GMDS: variants seen among roughly 807,000 people sequenced by gnomAD.
GMDS encodes the protein GDP-mannose 4,6-dehydratase, also known as GDP-mannose 4,6 dehydratase.
Under a neutral mutation model 49.9 loss-of-function variants are expected in GMDS, and 20 were observed. That is an observed-to-expected ratio of 0.40 (90% CI 0.28 to 0.58). The LOEUF is 0.58. Among genes scored for constraint, GMDS ranks in the 20% least tolerant of loss-of-function variants. GMDS has a pLI of 0.42. For synonymous variants in GMDS, 177 were observed against 178.6 expected (o/e 0.99, Z 0.07); for missense variants, 362 against 481.4 (o/e 0.75, Z 2.32).
At chr6:1,857,375 G>C (rs1166308601) in intron 7 of GMDS, among the ~76,000 whole-genome samples, 7 of 152,178 alleles carry the variant, frequency 4.6e-5, no homozygotes, top group African/African-American at 1.7e-4. Context: ...AATAAGGCTG[G>C]GGACATACGG....
chr6:2,044,723 A>C (rs1769897410), intron 4 of GMDS, among the ~76,000 whole-genome samples: 1 of 152,254 alleles, frequency 6.6e-6, no homozygotes, highest in South Asian at 2.1e-4. Flanking sequence ...AAAGTTAAAA[A>C]AAATGTTTTT....
intron 4 of GMDS, among the ~76,000 whole-genome samples, chr6:2,043,861 T>C (rs1242950872): frequency 7.0e-6 from 1 of 142,694 alleles, no homozygotes; most frequent in Non-Finnish European, 1.6e-5. Context: ...TCTACAAATT[T>C]GCAGAAAAAA....
chr6:1,855,683 C>T (rs1339286034), intron 7 of GMDS, among the ~76,000 whole-genome samples: 1 of 152,014 alleles, frequency 6.6e-6, no homozygotes, highest in East Asian at 1.9e-4. Flanking sequence ...CTTTTGTTAA[C>T]CAAAATACAG....
At position 1,672,965 on chromosome 6, in the gene GMDS, C is replaced by T. The variant is rs2317963; in HGVS notation, c.988-48425G>A. ...GCTGTGCACTCCCACCACTCCCAGC[C>T]GGGCATTTCAGCGAGGATTGGGAAT... On this transcript the variant is annotated intron_variant, in intron 9 of 10. Coordinates refer to ENST00000380815, the MANE Select transcript of GMDS (RefSeq NM_001500.4). Among the ~76,000 whole-genome samples, 943 of 151,860 alleles carry T rather than the reference C, an allele frequency of 6.2e-3. 3 individuals carry two copies. Among genetic ancestry groups the T allele is most frequent in the African/African-American group, 0.022 (905 of 41,164 alleles).
chr6:2,065,812 C>G lies in GMDS; in HGVS notation c.345+49959G>C, dbSNP rs1269683530. Among the ~76,000 whole-genome samples the G allele has an allele frequency of 4.7e-3, 713 of 152,176 alleles. 1 individual carries two copies. The highest frequency in any genetic ancestry group is 0.01 in the Middle Eastern group (3 of 294). ...ACGTCTGATTGGTGTACCTGAAAGT[C>G]ACGGGGAGAATGGAACCAAGTTGGA... On this transcript the variant is annotated intron_variant, in intron 4 of 10. Coordinates refer to ENST00000380815, the MANE Select transcript of GMDS (RefSeq NM_001500.4).
intron 7 of GMDS, among the ~76,000 whole-genome samples, chr6:1,920,456 A>G (rs1353557759): frequency 1.3e-5 from 2 of 152,246 alleles, no homozygotes; most frequent in Non-Finnish European, 2.9e-5. Flanking sequence ...TATAGGAAAG[A>G]GACAGAGCAA....
intron 7 of GMDS, among the ~76,000 whole-genome samples, chr6:1,853,449 C>T (rs191771463): frequency 0.014 from 1,944 of 136,704 alleles, 117 homozygotes; most frequent in African/African-American, 0.053. Flanking sequence ...ACCCGGGAGG[C>T]GGAGCTTGCA....
At chr6:2,036,528 T>C (rs950308937) in intron 4 of GMDS, among the ~76,000 whole-genome samples, 16 of 152,196 alleles carry the variant, frequency 1.1e-4, no homozygotes, top group African/African-American at 3.6e-4. Context: ...TTCTAGGCTT[T>C]AGCAATCCAT....
intron 7 of GMDS, among the ~76,000 whole-genome samples, chr6:1,925,822 C>A (rs1561895962): frequency 6.6e-6 from 1 of 152,170 alleles, no homozygotes; most frequent in Non-Finnish European, 1.5e-5. Context: ...GCCTTCACGC[C>A]CAAATGCTGC....
At chr6:1,930,371 G>A in intron 6 of GMDS, 141 bp from the exon 7 acceptor site, 5 of 585,104 alleles carry the variant, frequency 8.5e-6, no homozygotes, top group Middle Eastern at 4.1e-4. Flanking sequence ...TAAAAGAAAA[G>A]AAAAAGAGAA....
chr6:1,795,804 A>G (rs944017877), intron 7 of GMDS, among the ~76,000 whole-genome samples: 1 of 152,248 alleles, frequency 6.6e-6, no homozygotes, highest in Non-Finnish European at 1.5e-5. Flanking sequence ...CAATTTAAAC[A>G]TCTCCTTAAT....
At chr6:1,871,332 A>C (rs1006513714) in intron 7 of GMDS, among the ~76,000 whole-genome samples, 3 of 151,874 alleles carry the variant, frequency 2.0e-5, no homozygotes, top group African/African-American at 7.3e-5. Context: ...AAGGAAAGAA[A>C]AAGAGTAGGT....
chr6:1,626,886 A>T (rs1032893270), intron 9 of GMDS, among the ~76,000 whole-genome samples: 1 of 152,278 alleles, frequency 6.6e-6, no homozygotes, highest in Non-Finnish European at 1.5e-5. Context: ...TTAGAAACAG[A>T]CCTTGCTACC....
chr6:1,782,672 T>G (rs922223468), intron 7 of GMDS, among the ~76,000 whole-genome samples: 3 of 152,182 alleles, frequency 2.0e-5, no homozygotes, highest in Admixed American at 2.0e-4. Context: ...AAGGCAAATA[T>G]TAGGAAGTTG....
At chr6:2,077,541 G>A (rs1335220474) in intron 4 of GMDS, among the ~76,000 whole-genome samples, 4 of 152,002 alleles carry the variant, frequency 2.6e-5, no homozygotes, top group Middle Eastern at 3.4e-3. Context: ...TGAGATGATC[G>A]TATGTTTTTT....
rs530258706 is a variant in GMDS at position 1,950,670 on chromosome 6, C to T, written c.643+9197G>A. Among the ~76,000 whole-genome samples the T allele has an allele frequency of 2.6e-5, 4 of 152,210 alleles. No individual in the cohort carries two copies. In the South Asian group the frequency reaches 8.3e-4, roughly 32 times the overall value. On this transcript the variant is annotated intron_variant, in intron 6 of 10. Coordinates refer to ENST00000380815, the MANE Select transcript of GMDS (RefSeq NM_001500.4). ...AGTGATACCTAAAGAAAAATGAGACCCTACTGTTGTTCTATGAAGAATTTA... is the reference window on the plus strand; with the variant it reads ...AGTGATACCTAAAGAAAAATGAGACTCTACTGTTGTTCTATGAAGAATTTA...
In GMDS at chr6:1,960,777, AG is replaced by A; in HGVS notation, c.534del (p.Tyr179MetfsTer13). 1 of 1,592,150 alleles carries A rather than the reference AG, an allele frequency of 6.3e-7. No individual in the cohort carries two copies. The highest frequency in any genetic ancestry group is 8.6e-7 in the Non-Finnish European group (1 of 1,163,318). ...KETTPFYPRSPYGAAKLYAYW... is the reference protein window; with the variant it reads ...KETTPFYPRSXYGAAKLYAYW... ...CGGTGTGCACGCATGTTCTCACCATAGGGTGACCGGGGATAGAAAGGGGTGG... is the reference window on the plus strand; with the variant it reads ...CGGTGTGCACGCATGTTCTCACCATAGGTGACCGGGGATAGAAAGGGGTGG... On this transcript the variant is annotated frameshift_variant, in exon 5 of 11. Coordinates refer to ENST00000380815, the MANE Select transcript of GMDS (RefSeq NM_001500.4). LOFTEE classifies it high-confidence loss of function.
At chr6:2,146,682 C>A in intron 1 of GMDS, among the ~76,000 whole-genome samples, 1 of 152,188 alleles carries the variant, frequency 6.6e-6, no homozygotes, top group Non-Finnish European at 1.5e-5. Context: ...TTTAACAACA[C>A]GCCCCTCTCA....
At chr6:1,798,025 T>C (rs1446820980) in intron 7 of GMDS, among the ~76,000 whole-genome samples, 1 of 152,212 alleles carries the variant, frequency 6.6e-6, no homozygotes, top group Non-Finnish European at 1.5e-5. Context: ...TATTCAAAAG[T>C]ACTCCTGGAA....
Sources: allele counts gnomAD v4.1 joint callset (sites outside exome capture counted in the v4.1 genomes callset), GRCh38; gene constraint gnomAD v4.1.1; transcripts MANE v1.5; gene names NCBI Gene and HGNC (gene_info 2026-07-23, HGNC 2026-07-21).